The following ZNF207 variants were observed in gnomAD, a reference collection of about 807,000 sequenced individuals.
ZNF207 encodes zinc finger protein 207.
A neutral mutation model predicts 60.2 loss-of-function variants in ZNF207; 24 were observed. That is an observed-to-expected ratio of 0.40 (90% CI 0.29 to 0.56). The LOEUF (loss-of-function observed/expected upper bound fraction) is 0.56. Ranked by LOEUF, ZNF207 falls within the 20% of genes least tolerant of loss-of-function variation. ZNF207 has a pLI of 0.49. For synonymous variants in ZNF207, 236 were observed against 194.7 expected, an observed-to-expected ratio of 1.21 and a Z score of -1.77; for missense variants, 452 against 636.6, an observed-to-expected ratio of 0.71 and a Z score of 3.12.
At chr17:32,368,133 C>A in intron 10 of ZNF207, 119 bp downstream of exon 10, 1 of 1,409,956 alleles carries the variant, frequency 7.1e-7, no homozygotes. Context: ...TTAATGCTCA[C>A]TAAGTGGTTT....
intron 2 of ZNF207, among the ~76,000 whole-genome samples, chr17:32,352,656 A>G (rs758986761): frequency 3.3e-5 from 5 of 152,146 alleles, no homozygotes; most frequent in Admixed American, 6.5e-5. Context: ...TAATTTCAGC[A>G]ATTTATTTAT....
intron 2 of ZNF207, 66 bp from the exon 3 acceptor site, chr17:32,358,437 A>C: frequency 6.9e-7 from 1 of 1,446,290 alleles, no homozygotes; most frequent in Non-Finnish European, 9.2e-7. Flanking sequence ...TATACTAAGC[A>C]GTCTTTGATT....
At chr17:32,354,249 G>T (rs1904369032) in intron 2 of ZNF207, among the ~76,000 whole-genome samples, 1 of 152,140 alleles carries the variant, frequency 6.6e-6, no homozygotes, top group Non-Finnish European at 1.5e-5. Flanking sequence ...CAAAGTGCTG[G>T]AATTACAGTT....
chr17:32,362,233 G>A (rs1904929783), intron 6 of ZNF207, among the ~76,000 whole-genome samples: 2 of 152,014 alleles, frequency 1.3e-5, no homozygotes, highest in Admixed American at 1.3e-4. Flanking sequence ...ACAGCTTACT[G>A]CAGCCTTGAC....
In ZNF207 at chr17:32,370,434, C is replaced by T. The variant is rs755381891; in HGVS notation, c.*675C>T. 6.6e-6 allele frequency: 1 copy of T among 152,564 alleles called. No homozygotes were observed. Among genetic ancestry groups the T allele is most frequent in the Non-Finnish European group, 1.5e-5 (1 of 68,024 alleles). 9.5% of individuals were successfully genotyped at this position (152,564 alleles called of 1,614,324 possible). On this transcript the variant is annotated 3_prime_UTR_variant, in exon 12 of 12. Transcript: ENST00000394670. Reference sequence around the variant, plus strand: ...CAGTAGATGTCCACATAATAAAATTCATAGTTACCAATGCAGTTTTGATAT... The same window carrying T: ...CAGTAGATGTCCACATAATAAAATTTATAGTTACCAATGCAGTTTTGATAT...
chr17:32,369,700 C>A lies in ZNF207; in HGVS notation c.1426C>A (p.Pro476Thr). 6.3e-7 allele frequency: 1 copy of A among 1,593,090 alleles called. No individual in the cohort carries two copies. The highest frequency in any genetic ancestry group is 8.5e-7 in the Non-Finnish European group (1 of 1,170,966). ...PPMVPPYQGG[P>T]PRPPMGMRPP... ...AATGGTGCCCCCTTACCAGGGTGGG[C>A]CTCCTCGACCTCCGATGGGAATGAG... The change falls in exon 12 of 12, where the codon CCT becomes ACT. Residue 476 changes from proline to threonine, a missense_variant. This residue lies in a region of ZNF207 where 390 missense variants were observed against 461.4 expected (regional missense o/e 0.85). Transcript: ENST00000394670.
intron 2 of ZNF207, among the ~76,000 whole-genome samples, chr17:32,358,082 A>G (rs117496668): frequency 0.04 from 6,044 of 152,260 alleles, 176 homozygotes; most frequent in Non-Finnish European, 0.061. Flanking sequence ...GCCTGGCTAT[A>G]TTCTAATTCT....
rs1419637838 is a variant in ZNF207 at position 32,350,337 on chromosome 17, T to C, written c.41+11T>C. 5.0e-6 allele frequency: 8 copies of C among 1,613,958 alleles called. No individual in the cohort carries two copies. The Admixed American group carries it at 1.3e-4, about 27-fold the overall frequency. ...GAAGCCGTGGTGCTGGTATCCTTTG[T>C]CGGTTTGAAGTCGAGGTCGCGTTGG... is the stretch of plus-strand genomic sequence containing the variant. On this transcript the variant is annotated intron_variant, in intron 1 of 11. Coordinates refer to ENST00000394670, the MANE Select transcript of ZNF207 (RefSeq NM_001098507.2).
chr17:32,361,609 G>T, intron 6 of ZNF207, 94 bp downstream of exon 6: 1 of 1,181,926 alleles, frequency 8.5e-7, no homozygotes, highest in Non-Finnish European at 1.2e-6. Flanking sequence ...GTTGACTTCA[G>T]AAATTTTCTA....
intron 8 of ZNF207, 149 bp downstream of exon 8, chr17:32,365,636 C>G (rs939345517): frequency 8.7e-5 from 57 of 654,010 alleles, no homozygotes; most frequent in Non-Finnish European, 1.2e-4. Flanking sequence ...GTGGCTTATC[C>G]ACTTCCATGT....
Position 32,350,214 on chromosome 17 carries a change from A to G in ZNF207, c.-72A>G. ...GTGGTGGTAGCCGTTGGGTTGGGAA[A>G]GTGAGGGATTTTTGGCCTCGTTTCT... On this transcript the variant is annotated 5_prime_UTR_variant, in exon 1 of 12. Coordinates refer to ENST00000394670, the MANE Select transcript of ZNF207 (RefSeq NM_001098507.2). The G allele has an allele frequency of 6.2e-7, 1 of 1,607,414 alleles. No individual in the cohort carries two copies. Among genetic ancestry groups the G allele is most frequent in the East Asian group, 2.2e-5 (1 of 44,778 alleles).
intron 6 of ZNF207, 115 bp downstream of exon 6, chr17:32,361,630 C>A: frequency 3.3e-6 from 3 of 900,462 alleles, no homozygotes; most frequent in Non-Finnish European, 4.8e-6. Flanking sequence ...ACCTTCCTCA[C>A]TAAAACTTGC....
rs1370596717 is a variant in ZNF207, at chr17:32,378,789, A to G, written c.*9030A>G. On this transcript the variant is annotated 3_prime_UTR_variant, in exon 12 of 12. Coordinates refer to ENST00000394670, the MANE Select transcript of ZNF207 (RefSeq NM_001098507.2). Reference sequence around the variant, plus strand: ...TAAATGTTGTGCTTTTAGGTTGATAACAAATGTAAAGCACTGAGGAGGGAG... The same window carrying G: ...TAAATGTTGTGCTTTTAGGTTGATAGCAAATGTAAAGCACTGAGGAGGGAG... 1 of 152,046 alleles carries G rather than the reference A, an allele frequency of 6.6e-6. No homozygotes were observed. Among genetic ancestry groups the G allele is most frequent in the Non-Finnish European group, 1.5e-5 (1 of 67,930 alleles). The allele number at this position is 152,046 out of a possible 1,614,324, so 9.4% of individuals were successfully genotyped here.
chr17:32,356,524 A>C (rs1904516279), intron 2 of ZNF207, among the ~76,000 whole-genome samples: 1 of 152,218 alleles, frequency 6.6e-6, no homozygotes, highest in Non-Finnish European at 1.5e-5. Flanking sequence ...CAAATCTTTA[A>C]GTGAGATACA....
chr17:32,355,657 G>A (rs1250627604), intron 2 of ZNF207, among the ~76,000 whole-genome samples: 1 of 152,186 alleles, frequency 6.6e-6, no homozygotes, highest in East Asian at 1.9e-4. Context: ...AAGGACTGTA[G>A]TGTGGTTGGA....
At chr17:32,351,958 A>C in intron 2 of ZNF207, 46 bp downstream of exon 2, 1 of 1,472,536 alleles carries the variant, frequency 6.8e-7, no homozygotes, top group Non-Finnish European at 9.1e-7. Flanking sequence ...TGATTTGGAA[A>C]CAACTTGAAA....
At chr17:32,355,350 C>T (rs917820843) in intron 2 of ZNF207, among the ~76,000 whole-genome samples, 79 of 152,294 alleles carry the variant, frequency 5.2e-4, no homozygotes, top group African/African-American at 1.8e-3. Context: ...GATAGCACTA[C>T]TCAGCTCCAA....
rs1321655871 is a variant in ZNF207, at chr17:32,366,706, T to C, written c.870T>C (p.Asn290=). The stretch of plus-strand genomic sequence containing the variant: ...CAAGCTCAAGTACAGCTTCATCCAA[T>C]TCAGAAAGTCTGTCTGCATCTTCTA... ...PVTSSSTASS[N]SESLSASSKA... Residue 290 remains asparagine (N), a synonymous_variant, in exon 9 of 12, where the codon AAT becomes AAC. Transcript: ENST00000394670. 1 of 1,611,798 alleles carries C rather than the reference T, an allele frequency of 6.2e-7. No individual in the cohort carries two copies. The highest frequency in any genetic ancestry group is 1.3e-5 in the African/African-American group (1 of 74,880).
chr17:32,352,016 G>A, intron 2 of ZNF207, 104 bp downstream of exon 2: 4 of 1,159,184 alleles, frequency 3.5e-6, no homozygotes, highest in Non-Finnish European at 4.7e-6. Flanking sequence ...CGCCCAAGCT[G>A]GAGTGCAGTG....
Sources: allele counts gnomAD v4.1 joint callset (sites outside exome capture counted in the v4.1 genomes callset), GRCh38; gene constraint gnomAD v4.1.1; regional missense constraint gnomAD v4.1.1; transcripts MANE v1.5; gene names NCBI Gene and HGNC (gene_info 2026-07-23, HGNC 2026-07-21).